The following NXPE2 variants were observed in gnomAD, a reference collection of about 807,000 sequenced individuals.
NXPE2 encodes neurexophilin and PC-esterase domain family member 2.
Under a neutral mutation model 34.4 loss-of-function variants are expected in NXPE2, and 34 were observed. The ratio of observed to expected loss-of-function variants is 0.99; its 90% confidence interval spans 0.75 to 1.31. NXPE2 has a LOEUF of 1.31. Among genes scored for constraint, NXPE2 ranks in the 40% most tolerant of loss-of-function variants. NXPE2 has a pLI of 0.00. For synonymous variants in NXPE2, 235 were observed against 231.3 expected (o/e 1.02, Z -0.15); for missense variants, 649 against 672.5 (o/e 0.97, Z 0.39).
chr11:114,766,745 A>T, the NXPE2 span, among the ~76,000 whole-genome samples: 1,433 of 152,086 alleles, frequency 9.4e-3, 27 homozygotes, highest in African/African-American at 0.032. Flanking sequence ...TCTCACTGTG[A>T]CTAGAGTCAG....
chr11:114,544,425 T>C, the NXPE2 span, among the ~76,000 whole-genome samples: 1 of 152,086 alleles, frequency 6.6e-6, no homozygotes, highest in Non-Finnish European at 1.5e-5. Flanking sequence ...AACAAATGCA[T>C]ACAAATATTA....
At chr11:114,555,545 T>G in the NXPE2 span, among the ~76,000 whole-genome samples, 2 of 152,160 alleles carry the variant, frequency 1.3e-5, no homozygotes. Flanking sequence ...GCATTTTAAG[T>G]GCACTGTTTT....
chr11:114,672,363 T>C, the NXPE2 span, among the ~76,000 whole-genome samples: 1 of 151,676 alleles, frequency 6.6e-6, no homozygotes, highest in African/African-American at 2.4e-5. Context: ...GGAATTAAGA[T>C]GTTACACTAG....
At chr11:114,656,348 T>A in the NXPE2 span, among the ~76,000 whole-genome samples, 1 of 152,128 alleles carries the variant, frequency 6.6e-6, no homozygotes, top group Non-Finnish European at 1.5e-5. Flanking sequence ...AAAATGACCA[T>A]ACTGCCCAAA....
At chr11:114,810,219 A>G in the NXPE2 span, among the ~76,000 whole-genome samples, 1 of 150,226 alleles carries the variant, frequency 6.7e-6, no homozygotes, top group African/African-American at 2.5e-5. Context: ...TACATGTTAG[A>G]CCTAAAACCA....
At chr11:114,593,383 T>A in the NXPE2 span, among the ~76,000 whole-genome samples, 2 of 152,092 alleles carry the variant, frequency 1.3e-5, no homozygotes, top group African/African-American at 4.8e-5. Context: ...AATAGACACT[T>A]ACTAGAAGAT....
chr11:114,564,177 A>G, the NXPE2 span, among the ~76,000 whole-genome samples: 5 of 152,192 alleles, frequency 3.3e-5, no homozygotes, highest in South Asian at 2.1e-4. Context: ...GTCGAAGCCT[A>G]TTATTCTAAA....
chr11:114,516,062 G>T, the NXPE2 span, among the ~76,000 whole-genome samples: 5 of 152,162 alleles, frequency 3.3e-5, no homozygotes, highest in African/African-American at 7.2e-5. Flanking sequence ...TAAGTAGTTT[G>T]CCTATAGCCA....
At chr11:114,533,104 AC>A in the NXPE2 span, among the ~76,000 whole-genome samples, 1 of 152,192 alleles carries the variant, frequency 6.6e-6, no homozygotes, top group Non-Finnish European at 1.5e-5. Flanking sequence ...AAACAAACAA[AC>A]AAAAATCCAA....
the NXPE2 span, among the ~76,000 whole-genome samples, chr11:114,668,615 TAGGATCTGCTC>T: frequency 6.6e-6 from 1 of 152,028 alleles, no homozygotes; most frequent in Non-Finnish European, 1.5e-5. Context: ...CACAGTATTC[TAGGATCTGCTC>T]AGAGCAAGTG....
the NXPE2 span, among the ~76,000 whole-genome samples, chr11:114,619,671 G>A: frequency 1.3e-5 from 2 of 151,852 alleles, no homozygotes; most frequent in South Asian, 4.2e-4. Context: ...TTGCCTTGTG[G>A]GTAACCACTG....
the NXPE2 span, among the ~76,000 whole-genome samples, chr11:114,729,667 G>A: frequency 6.6e-6 from 1 of 152,020 alleles, no homozygotes; most frequent in Non-Finnish European, 1.5e-5. Context: ...GTGATGTTGG[G>A]CATTTTTTCA....
the NXPE2 span, among the ~76,000 whole-genome samples, chr11:114,538,421 T>G: frequency 1.3e-5 from 2 of 151,988 alleles, no homozygotes; most frequent in African/African-American, 4.8e-5. Flanking sequence ...AAGCCAAAAT[T>G]GACAAATGGG....
At chr11:114,625,421 T>C in the NXPE2 span, among the ~76,000 whole-genome samples, 1 of 152,116 alleles carries the variant, frequency 6.6e-6, no homozygotes, top group Non-Finnish European at 1.5e-5. Flanking sequence ...GGGCAACCAC[T>C]TCTACCACAT....
At chr11:114,665,891 A>G in the NXPE2 span, among the ~76,000 whole-genome samples, 1 of 152,144 alleles carries the variant, frequency 6.6e-6, no homozygotes, top group Non-Finnish European at 1.5e-5. Context: ...CTTTGCTTGC[A>G]CTAAAATAGT....
chr11:114,700,952 CA>C (rs1951354710), intron 3 of NXPE2, among the ~76,000 whole-genome samples: 1 of 151,946 alleles, frequency 6.6e-6, no homozygotes, highest in African/African-American at 2.4e-5. Flanking sequence ...CCTGGAAATT[CA>C]AGTTCAAATC....
At chr11:114,651,461 A>G in the NXPE2 span, among the ~76,000 whole-genome samples, 1 of 152,212 alleles carries the variant, frequency 6.6e-6, no homozygotes, top group Non-Finnish European at 1.5e-5. Context: ...GTGTGGACCC[A>G]AAGAGTAAGC....
downstream of NXPE2, among the ~76,000 whole-genome samples, chr11:114,709,361 G>A (rs1051922059): frequency 3.9e-5 from 6 of 152,122 alleles, no homozygotes; most frequent in Admixed American, 1.3e-4. Flanking sequence ...ATCACCAAAT[G>A]TTGGTAAGTG....
the NXPE2 span, among the ~76,000 whole-genome samples, chr11:114,799,593 G>T: frequency 6.6e-6 from 1 of 152,188 alleles, no homozygotes; most frequent in African/African-American, 2.4e-5. Flanking sequence ...AGACCCCCTG[G>T]GTGGGAAGGA....
Sources: gnomAD v4.1 joint callset for allele counts (sites outside exome capture counted in the v4.1 genomes callset) on GRCh38, gnomAD v4.1.1 for gene constraint, MANE v1.5 for transcripts, NCBI Gene and HGNC (gene_info 2026-07-23, HGNC 2026-07-21) for gene names.